The following DIS3L2 variants were observed in gnomAD, a reference collection of about 807,000 sequenced individuals.
DIS3L2 encodes DIS3 like 3'-5' exoribonuclease 2, also known as DIS3-like exonuclease 2.
DIS3L2 carries 34 observed loss-of-function variants against 97.5 expected under a neutral mutation model. The observed-to-expected ratio is 0.35, with a 90% CI of 0.27 to 0.46. The LOEUF is 0.46. DIS3L2 is among the 20% of genes least tolerant of loss of function. The pLI is 1.00. For missense variants in DIS3L2, 1,038 were observed against 1,146.0 expected (o/e 0.91, Z 1.36); for synonymous variants, 435 against 445.2 (o/e 0.98, Z 0.29).
intron 1 of DIS3L2, among the ~76,000 whole-genome samples, chr2:231,982,548 T>C (rs1693292058): frequency 1.3e-5 from 2 of 152,204 alleles, no homozygotes; most frequent in Non-Finnish European, 2.9e-5. Flanking sequence ...ATGTTTTATT[T>C]CTTTTCCCTG....
chr2:232,322,931 A>G (rs1452249799), intron 14 of DIS3L2, among the ~76,000 whole-genome samples: 1 of 152,180 alleles, frequency 6.6e-6, no homozygotes, highest in Non-Finnish European at 1.5e-5. Context: ...TCTTGCTCCA[A>G]GTCTACGAAG....
chr2:232,342,260 CATACACAT>C (rs1696126549), intron 13 of DIS3L2, among the ~76,000 whole-genome samples: 2 of 139,768 alleles, frequency 1.4e-5, no homozygotes, highest in Admixed American at 1.4e-4. Flanking sequence ...CACATACACA[CATACACAT>C]ATACATATAT....
chr2:232,278,390 A>G (rs760116393), intron 13 of DIS3L2, among the ~76,000 whole-genome samples: 12 of 152,176 alleles, frequency 7.9e-5, no homozygotes, highest in Non-Finnish European at 1.5e-4. Flanking sequence ...ACGTATAGTC[A>G]TGTAATTGCC....
At chr2:232,045,992 A>G (rs192381513) in intron 5 of DIS3L2, among the ~76,000 whole-genome samples, 218 of 152,214 alleles carry the variant, frequency 1.4e-3, no homozygotes, top group Non-Finnish European at 2.5e-3. Flanking sequence ...TCTTAATACC[A>G]TAACACTGGC....
intron 10 of DIS3L2, among the ~76,000 whole-genome samples, chr2:232,211,694 A>G (rs138783200): frequency 1.3e-5 from 2 of 152,292 alleles, no homozygotes; most frequent in Admixed American, 1.3e-4. Flanking sequence ...CATATTTCCC[A>G]CTGACACAGA....
intron 12 of DIS3L2, among the ~76,000 whole-genome samples, chr2:232,262,514 G>C (rs1693737875): frequency 6.6e-6 from 1 of 152,174 alleles, no homozygotes; most frequent in Non-Finnish European, 1.5e-5. Flanking sequence ...GGCCATGTCT[G>C]GAGACATTTT....
intron 9 of DIS3L2, among the ~76,000 whole-genome samples, chr2:232,173,891 T>C (rs181200208): frequency 5.3e-4 from 80 of 152,328 alleles, no homozygotes; most frequent in African/African-American, 1.8e-3. Context: ...CAACTTTGCT[T>C]TTTTTTCTTT....
chr2:232,071,725 A>AGAC (rs762447328), intron 5 of DIS3L2, among the ~76,000 whole-genome samples: 14 of 152,210 alleles, frequency 9.2e-5, no homozygotes, highest in Non-Finnish European at 1.5e-4. Context: ...TTTAAAATAG[A>AGAC]GACGAGGTCT....
chr2:232,021,013 A>G (rs1429803996), intron 3 of DIS3L2, among the ~76,000 whole-genome samples: 2 of 152,140 alleles, frequency 1.3e-5, no homozygotes, highest in Non-Finnish European at 2.9e-5. Context: ...TGTATTTTAT[A>G]TGTGTGAAAT....
intron 1 of DIS3L2, among the ~76,000 whole-genome samples, chr2:231,962,601 A>AT (rs1469322857): frequency 1.3e-5 from 2 of 151,740 alleles, no homozygotes; most frequent in Non-Finnish European, 1.5e-5. Context: ...CGCCCGGCTA[A>AT]TTTTTTTGTA....
At chr2:232,289,587 A>G (rs768428854) in intron 13 of DIS3L2, among the ~76,000 whole-genome samples, 1 of 152,208 alleles carries the variant, frequency 6.6e-6, no homozygotes, top group Non-Finnish European at 1.5e-5. Flanking sequence ...AAGAGATTTT[A>G]TAAGGCTATT....
At chr2:232,301,464 C>T (rs552637623) in intron 14 of DIS3L2, among the ~76,000 whole-genome samples, 135 of 152,282 alleles carry the variant, frequency 8.9e-4, no homozygotes, top group African/African-American at 3.1e-3. Flanking sequence ...TATGACCTTC[C>T]AGAAGAGAAA....
chr2:232,015,053 G>A, intron 2 of DIS3L2, 74 bp downstream of exon 2: 1 of 1,516,108 alleles, frequency 6.6e-7, no homozygotes, highest in South Asian at 1.1e-5. Flanking sequence ...GTGAAGTGGA[G>A]GCTGTCTTTT....
In DIS3L2 at chr2:232,270,860, G is replaced by GTCCCTCTCTCTCTCTCTCTC. The variant is rs1491319157; in HGVS notation, c.1659+7422_1659+7423insCCTCTCTCTCTCTCTCTCTC. On this transcript the variant is annotated intron_variant, in intron 13 of 20. Coordinates refer to ENST00000325385, the MANE Select transcript of DIS3L2 (RefSeq NM_152383.5). ...CGCACTCGCGCGCTCTCTTTTTCTC[G>GTCCCTCTCTCTCTCTCTCTC]TCTCTCTCTCTCTCTCTCTCTCTCT... Among the ~76,000 whole-genome samples, 43 of 103,872 alleles carry GTCCCTCTCTCTCTCTCTCTC rather than the reference G, an allele frequency of 4.1e-4. 5 individuals carry two copies. In the East Asian group the frequency reaches 4.6e-3, roughly 11 times the overall value. The allele number at this position is 103,872 out of a possible 152,430, so 68.1% of individuals were successfully genotyped here.
In DIS3L2 at chr2:232,336,856, G is replaced by C; in HGVS notation, c.*226G>C. 7.3e-7 allele frequency: 1 copy of C among 1,370,760 alleles called. No individual in the cohort carries two copies. Among genetic ancestry groups the C allele is most frequent in the Non-Finnish European group, 9.4e-7 (1 of 1,064,586 alleles). 84.9% of individuals were successfully genotyped at this position (1,370,760 alleles called of 1,614,324 possible). A position where few individuals can be genotyped will look rare whatever the true frequency, so the allele number is the denominator to read the frequency against. On this transcript the variant is annotated 3_prime_UTR_variant, in exon 21 of 21. Transcript: ENST00000325385. ...GTCAGCAGTGACCCCAGCAGAGCAGGCCCCAGTCCTCCTGGGAGGCTGGCC... is the reference window on the plus strand; with the variant it reads ...GTCAGCAGTGACCCCAGCAGAGCAGCCCCCAGTCCTCCTGGGAGGCTGGCC...
intron 13 of DIS3L2, among the ~76,000 whole-genome samples, chr2:232,264,933 G>C (rs1693815491): frequency 6.6e-6 from 1 of 152,228 alleles, no homozygotes; most frequent in African/African-American, 2.4e-5. Flanking sequence ...AGCCTGAGCA[G>C]GCCTGTCTGC....
At chr2:232,253,901 T>A (rs1383349100) in intron 12 of DIS3L2, among the ~76,000 whole-genome samples, 1 of 152,206 alleles carries the variant, frequency 6.6e-6, no homozygotes, top group Non-Finnish European at 1.5e-5. Context: ...ATGTATACTT[T>A]AATATTTTTA....
Position 232,263,320 on chromosome 2 carries a change from G to T in DIS3L2, c.1539G>T (p.Leu513=). 6.2e-7 allele frequency: 1 copy of T among 1,614,182 alleles called. No individual in the cohort carries two copies. Among genetic ancestry groups the T allele is most frequent in the African/African-American group, 1.3e-5 (1 of 75,054 alleles). ...CTGAGAAAATCCCTGCGAAAGAGCT[G>T]CCCCCCATTTCCCCAGAGCATAGCA... The part of the protein sequence containing the change: ...SPTEKIPAKE[L]PPISPEHSSE... The change falls in exon 13 of 21, where the codon CTG becomes CTT. Residue 513 remains leucine, a synonymous_variant. Coordinates refer to ENST00000325385, the MANE Select transcript of DIS3L2 (RefSeq NM_152383.5).
At chr2:231,978,694 G>A (rs1313225921) in intron 1 of DIS3L2, 1 of 152,232 alleles carries the variant, frequency 6.6e-6, no homozygotes, top group Non-Finnish European at 1.5e-5. Flanking sequence ...TCAAGGGGGT[G>A]TTAGCTTTTT....
Sources: allele counts gnomAD v4.1 joint callset (sites outside exome capture counted in the v4.1 genomes callset), GRCh38; gene constraint gnomAD v4.1.1; transcripts MANE v1.5; gene names NCBI Gene and HGNC (gene_info 2026-07-23, HGNC 2026-07-21).